The following CEP126 variants were observed in gnomAD, a reference collection of about 807,000 sequenced individuals.
The protein encoded by CEP126 is centrosomal protein 126, also known as centrosomal protein of 126 kDa.
CEP126 carries 74 observed loss-of-function variants against 107.8 expected under a neutral mutation model. The observed-to-expected ratio is 0.69, with a 90% CI of 0.57 to 0.83. The LOEUF is 0.83. CEP126 is among the 40% of genes least tolerant of loss of function. The pLI, the probability that CEP126 is intolerant of heterozygous loss-of-function variation, is 0.00. For missense variants in CEP126, 1,237 were observed against 1,281.9 expected (o/e 0.96, Z 0.53); for synonymous variants, 449 against 446.0 (o/e 1.01, Z -0.08).
chr11:101,929,913 T>G (rs1370538167), intron 2 of CEP126, among the ~76,000 whole-genome samples: 1 of 151,672 alleles, frequency 6.6e-6, no homozygotes, highest in Non-Finnish European at 1.5e-5. Flanking sequence ...CTAAGTTTTC[T>G]GTCTAGCTAA....
chr11:101,966,960 C>T (rs1471987985), intron 6 of CEP126, among the ~76,000 whole-genome samples: 3 of 151,800 alleles, frequency 2.0e-5, no homozygotes, highest in Non-Finnish European at 4.4e-5. Flanking sequence ...TTCTTCTACC[C>T]TACTGGGCTT....
intron 2 of CEP126, among the ~76,000 whole-genome samples, chr11:101,935,944 T>C (rs554330356): frequency 1.3e-5 from 2 of 152,208 alleles, no homozygotes; most frequent in South Asian, 2.1e-4. Context: ...CTCTCCTCAG[T>C]TGGGAACCAC....
chr11:101,956,152 G>A (rs921079714), intron 4 of CEP126: 6 of 456,438 alleles, frequency 1.3e-5, no homozygotes, highest in Middle Eastern at 3.2e-4. Flanking sequence ...CTGACCCTGA[G>A]TCACAGCACA....
intron 7 of CEP126, among the ~76,000 whole-genome samples, chr11:101,979,629 G>A (rs552663615): frequency 3.1e-4 from 47 of 152,210 alleles, no homozygotes; most frequent in Admixed American, 8.5e-4. Flanking sequence ...CCAGCTACTT[G>A]GGAGGCTGAG....
At chr11:101,988,778 GTA>G (rs34433049) in intron 9 of CEP126, among the ~76,000 whole-genome samples, 4,113 of 148,828 alleles carry the variant, frequency 0.028, 59 homozygotes, top group African/African-American at 0.048. Flanking sequence ...ATATGTATAT[GTA>G]TATATATATA....
At chr11:101,958,530 A>T (rs1940930487) in intron 5 of CEP126, among the ~76,000 whole-genome samples, 164 bp downstream of exon 5, 1 of 152,014 alleles carries the variant, frequency 6.6e-6, no homozygotes, top group South Asian at 2.1e-4. Flanking sequence ...TATAGAAATA[A>T]TTTTTTAGTT....
chr11:101,941,125 C>G (rs1940657949), intron 2 of CEP126, among the ~76,000 whole-genome samples: 1 of 152,152 alleles, frequency 6.6e-6, no homozygotes, highest in South Asian at 2.1e-4. Flanking sequence ...TCCTTCCTCC[C>G]AACAGAAAGT....
At chr11:101,916,239 T>C (rs1333015353) in intron 1 of CEP126, 1 of 152,226 alleles carries the variant, frequency 6.6e-6, no homozygotes, top group Admixed American at 6.5e-5. Context: ...CTCTGTTTTC[T>C]TATCCCCTTT....
At chr11:101,949,768 C>A (rs989886100) in intron 4 of CEP126, among the ~76,000 whole-genome samples, 2 of 152,052 alleles carry the variant, frequency 1.3e-5, no homozygotes, top group African/African-American at 4.8e-5. Flanking sequence ...AAGTAAGGGA[C>A]TATAAAACCA....
At chr11:101,992,224 G>A (rs1301822487) in intron 9 of CEP126, among the ~76,000 whole-genome samples, 7 of 151,938 alleles carry the variant, frequency 4.6e-5, no homozygotes, top group Admixed American at 4.6e-4. Context: ...AAATTATGCA[G>A]GTAAAGAATA....
intron 4 of CEP126, among the ~76,000 whole-genome samples, chr11:101,952,160 A>G (rs1940822300): frequency 6.6e-6 from 1 of 152,188 alleles, no homozygotes. Context: ...GCATGTGAGA[A>G]GGCATAGAAT....
intron 6 of CEP126, among the ~76,000 whole-genome samples, chr11:101,973,431 C>A (rs1219648818): frequency 6.6e-6 from 1 of 152,164 alleles, no homozygotes; most frequent in Admixed American, 6.5e-5. Context: ...AAATCAAACA[C>A]CGCATGTTCT....
intron 2 of CEP126, among the ~76,000 whole-genome samples, chr11:101,937,765 T>C (rs1005533644): frequency 2.6e-5 from 4 of 152,148 alleles, no homozygotes; most frequent in African/African-American, 9.7e-5. Flanking sequence ...GTTTTTTTTG[T>C]GGGAAACTTA....
At chr11:101,935,460 T>TA (rs994822283) in intron 2 of CEP126, among the ~76,000 whole-genome samples, 36 of 152,212 alleles carry the variant, frequency 2.4e-4, no homozygotes, top group African/African-American at 8.7e-4. Context: ...AGTTCATACT[T>TA]ACAGATTTTC....
chr11:101,988,780 A>G (rs987598778), intron 9 of CEP126, among the ~76,000 whole-genome samples: 7 of 142,070 alleles, frequency 4.9e-5, no homozygotes, highest in African/African-American at 8.1e-5. Flanking sequence ...ATGTATATGT[A>G]TATATATATA....
At position 101,999,436 on chromosome 11, in the gene CEP126, C is replaced by A. The variant is rs1385578325; in HGVS notation, c.*1793C>A. 3 of 136,484 alleles carry A rather than the reference C, an allele frequency of 2.2e-5. No homozygotes were observed. Among genetic ancestry groups the A allele is most frequent in the African/African-American group, 5.5e-5 (2 of 36,176 alleles). The allele number at this position is 136,484 out of a possible 1,614,324, so 8.5% of individuals were successfully genotyped here. On this transcript the variant is annotated 3_prime_UTR_variant, in exon 11 of 11. Transcript: ENST00000263468. Reference sequence around the variant, plus strand: ...ACCTCTTAGGAACCAAAGAATGCCTCTACAAGCAAAAAGATAGTTGAAAAT... The same window carrying A: ...ACCTCTTAGGAACCAAAGAATGCCTATACAAGCAAAAAGATAGTTGAAAAT...
At chr11:101,926,463 A>G (rs1050979998) in intron 2 of CEP126, among the ~76,000 whole-genome samples, 1 of 152,250 alleles carries the variant, frequency 6.6e-6, no homozygotes, top group Non-Finnish European at 1.5e-5. Flanking sequence ...TTTTATGCCA[A>G]TCTAAAGAAA....
Position 101,997,753 on chromosome 11 carries a change from A to G in CEP126, c.*110A>G. ...AAACATGTGAGCAACAACCCCCATGAACATTTGTCCTAACTCAGATTTTGT... is the reference window on the plus strand; with the variant it reads ...AAACATGTGAGCAACAACCCCCATGGACATTTGTCCTAACTCAGATTTTGT... On this transcript the variant is annotated 3_prime_UTR_variant, in exon 11 of 11. Transcript: ENST00000263468. 6.8e-7 allele frequency: 1 copy of G among 1,476,064 alleles called. No individual in the cohort carries two copies. Among genetic ancestry groups the G allele is most frequent in the East Asian group, 2.3e-5 (1 of 43,892 alleles). The allele number at this position is 1,476,064 out of a possible 1,614,324, so 91.4% of individuals were successfully genotyped here.
intron 2 of CEP126, among the ~76,000 whole-genome samples, chr11:101,931,560 C>T (rs1015680281): frequency 6.6e-6 from 1 of 151,798 alleles, no homozygotes; most frequent in Non-Finnish European, 1.5e-5. Flanking sequence ...TATCCAACTG[C>T]CTTTTTTAAC....
Sources: allele counts gnomAD v4.1 joint callset (sites outside exome capture counted in the v4.1 genomes callset), GRCh38; gene constraint gnomAD v4.1.1; transcripts MANE v1.5; gene names NCBI Gene and HGNC (gene_info 2026-07-23, HGNC 2026-07-21).